The following ZFHX3 variants were observed in gnomAD, a reference collection of about 807,000 sequenced individuals.
ZFHX3 encodes zinc finger homeobox protein 3.
ZFHX3 carries 42 observed loss-of-function variants against 279.1 expected under a neutral mutation model. The observed-to-expected ratio is 0.15, with a 90% confidence interval of 0.12 to 0.19. ZFHX3 has a LOEUF of 0.19. Ranked by LOEUF, ZFHX3 falls within the 10% of genes least tolerant of loss-of-function variation. ZFHX3 has a pLI of 1.00. For missense variants in ZFHX3, 4,981 were observed against 4,754.0 expected (o/e 1.05, Z -1.40); for synonymous variants, 2,293 against 1,957.8 (o/e 1.17, Z -4.52).
At chr16:73,799,389 C>G (rs1349498748) in intron 1 of ZFHX3, among the ~76,000 whole-genome samples, 2 of 152,284 alleles carry the variant, frequency 1.3e-5, no homozygotes, top group East Asian at 3.9e-4. Context: ...TGGATGACAT[C>G]AGGCATTTAG....
chr16:73,720,028 A>G (rs908958244), intron 1 of ZFHX3, among the ~76,000 whole-genome samples: 1 of 152,272 alleles, frequency 6.6e-6, no homozygotes, highest in Admixed American at 6.5e-5. Context: ...AACCCATAGA[A>G]TAACAGGCAA....
chr16:73,882,422 T>C (rs1318743911), intron 1 of ZFHX3, among the ~76,000 whole-genome samples: 1 of 152,124 alleles, frequency 6.6e-6, no homozygotes, highest in African/African-American at 2.4e-5. Flanking sequence ...AGAAACATGA[T>C]CAGTGAACTT....
At chr16:73,127,542 G>T (rs1966591364) in intron 7 of ZFHX3, 3 of 1,305,500 alleles carry the variant, frequency 2.3e-6, no homozygotes, top group South Asian at 1.2e-5. Context: ...GAGATGGGAG[G>T]CTTTGGGCTC....
intron 4 of ZFHX3, among the ~76,000 whole-genome samples, chr16:72,831,000 C>T (rs1040396264): frequency 3.3e-5 from 5 of 152,140 alleles, no homozygotes; most frequent in African/African-American, 9.7e-5. Context: ...TATCCAGCAC[C>T]GCCAGAGGTC....
At chr16:73,504,744 A>G (rs1237244697) in intron 2 of ZFHX3, 1 of 152,160 alleles carries the variant, frequency 6.6e-6, no homozygotes, top group Non-Finnish European at 1.5e-5. Flanking sequence ...CGGTGCAGCT[A>G]TGAAAGCTAT....
upstream of ZFHX3, among the ~76,000 whole-genome samples, chr16:73,053,085 A>G (rs75652587): frequency 0.015 from 2,336 of 152,116 alleles, 60 homozygotes; most frequent in African/African-American, 0.051. Flanking sequence ...GAACAAAACA[A>G]TAATTTTTTT....
intron 1 of ZFHX3, among the ~76,000 whole-genome samples, chr16:73,850,636 C>T (rs1022401697): frequency 6.6e-6 from 1 of 152,162 alleles, no homozygotes; most frequent in African/African-American, 2.4e-5. Flanking sequence ...ATTGCCTGTC[C>T]TCTGTCTGTC....
At chr16:73,515,261 A>G (rs1334583007) in intron 2 of ZFHX3, among the ~76,000 whole-genome samples, 3 of 152,156 alleles carry the variant, frequency 2.0e-5, no homozygotes, top group Non-Finnish European at 4.4e-5. Context: ...GCCAATTACC[A>G]ATTCTGTGCA....
intron 7 of ZFHX3, among the ~76,000 whole-genome samples, chr16:73,119,366 C>T (rs903683453): frequency 6.6e-6 from 1 of 152,166 alleles, no homozygotes; most frequent in Non-Finnish European, 1.5e-5. Flanking sequence ...CTCAGCCTCC[C>T]AAAGTTCTGG....
At chr16:73,137,982 C>A (rs1278726524) in intron 6 of ZFHX3, among the ~76,000 whole-genome samples, 1 of 152,108 alleles carries the variant, frequency 6.6e-6, no homozygotes, top group African/African-American at 2.4e-5. Context: ...TGCTTGTCAT[C>A]GGAGAAAATC....
At chr16:73,293,352 TAA>T (rs2014822706) in intron 4 of ZFHX3, among the ~76,000 whole-genome samples, 1 of 151,876 alleles carries the variant, frequency 6.6e-6, no homozygotes. Flanking sequence ...ACCAAGAGGG[TAA>T]AGACTGACTG....
intron 3 of ZFHX3, among the ~76,000 whole-genome samples, chr16:73,432,836 A>T (rs1207124291): frequency 1.3e-5 from 2 of 151,992 alleles, no homozygotes; most frequent in African/African-American, 4.8e-5. Flanking sequence ...CTCCGGATAG[A>T]TGGGTTTTAT....
chr16:73,667,122 G>T (rs975038384), intron 2 of ZFHX3, among the ~76,000 whole-genome samples: 1 of 152,044 alleles, frequency 6.6e-6, no homozygotes, highest in South Asian at 2.1e-4. Context: ...CTCCCAAGTA[G>T]CTGGGATTAC....
intron 1 of ZFHX3, among the ~76,000 whole-genome samples, chr16:72,980,210 G>C (rs1307142728): frequency 6.6e-6 from 1 of 152,222 alleles, no homozygotes; most frequent in Non-Finnish European, 1.5e-5. Context: ...CACACTAACA[G>C]TGCCTTCCTC....
chr16:73,755,034 A>C (rs2053795755), intron 1 of ZFHX3, among the ~76,000 whole-genome samples: 1 of 152,212 alleles, frequency 6.6e-6, no homozygotes, highest in Non-Finnish European at 1.5e-5. Flanking sequence ...TGCTTGTGTC[A>C]TTTCTACTTT....
At chr16:73,263,773 A>G (rs1219783102) in intron 4 of ZFHX3, among the ~76,000 whole-genome samples, 5 of 152,194 alleles carry the variant, frequency 3.3e-5, no homozygotes, top group Admixed American at 3.3e-4. Context: ...GGGTATGCCA[A>G]CTACACTATT....
intron 1 of ZFHX3, among the ~76,000 whole-genome samples, chr16:73,037,011 A>G (rs1001560875): frequency 2.6e-5 from 4 of 152,044 alleles, no homozygotes; most frequent in African/African-American, 9.7e-5. Flanking sequence ...TGCCCATTTC[A>G]TCCTTACTGC....
At chr16:73,055,698 G>GCGCACACACACA (rs869144632) in intron 1 of ZFHX3, among the ~76,000 whole-genome samples, 2 of 109,434 alleles carry the variant, frequency 1.8e-5, no homozygotes, top group African/African-American at 5.9e-5. Context: ...GCGCGCGCGC[G>GCGCACACACACA]CACACACACA....
chr16:73,270,461 C>A (rs966367368), intron 4 of ZFHX3, among the ~76,000 whole-genome samples: 1 of 152,162 alleles, frequency 6.6e-6, no homozygotes, highest in African/African-American at 2.4e-5. Flanking sequence ...AGGGGAGGAA[C>A]CGAGCCTCTC....
Sources: allele counts gnomAD v4.1 joint callset (sites outside exome capture counted in the v4.1 genomes callset), GRCh38; gene constraint gnomAD v4.1.1; transcripts MANE v1.5; gene names NCBI Gene and HGNC (gene_info 2026-07-23, HGNC 2026-07-21).